SUCLG2: variants seen among roughly 807,000 people sequenced by gnomAD.
SUCLG2 encodes succinate-CoA ligase GDP-forming subunit beta, also known as succinate--CoA ligase [GDP-forming] subunit beta, mitochondrial.
In SUCLG2, 42 loss-of-function variants were observed where a neutral mutation model predicts 47.9. The observed-to-expected ratio is 0.88, with a 90% CI of 0.69 to 1.14. SUCLG2 has a LOEUF of 1.14. SUCLG2 is among the 50% of genes most tolerant of loss of function. The pLI is 0.00. For synonymous variants in SUCLG2, 195 were observed against 197.3 expected (o/e 0.99, Z 0.10); for missense variants, 571 against 525.9 (o/e 1.09, Z -0.84).
intron 9 of SUCLG2, among the ~76,000 whole-genome samples, chr3:67,434,767 T>A (rs1703575093): frequency 6.6e-6 from 1 of 152,232 alleles, no homozygotes; most frequent in African/African-American, 2.4e-5. Flanking sequence ...TATATGTGAC[T>A]ATGTATACCA....
At chr3:67,643,412 T>C (rs1016834615) in intron 1 of SUCLG2, among the ~76,000 whole-genome samples, 3 of 152,328 alleles carry the variant, frequency 2.0e-5, no homozygotes, top group Non-Finnish European at 4.4e-5. Context: ...GATGTTTCTG[T>C]AACCTGAAGT....
At chr3:67,457,760 C>G (rs1704224077) in intron 9 of SUCLG2, among the ~76,000 whole-genome samples, 1 of 129,632 alleles carries the variant, frequency 7.7e-6, no homozygotes, top group African/African-American at 3.0e-5. Context: ...TACTATACTG[C>G]AAGAGAGCAA....
chr3:67,524,752 T>C (rs1403520926), intron 4 of SUCLG2, among the ~76,000 whole-genome samples: 1 of 152,164 alleles, frequency 6.6e-6, no homozygotes, highest in African/African-American at 2.4e-5. Flanking sequence ...TTAAGGTGAC[T>C]CTGAAAGTTA....
At chr3:67,568,534 C>A (rs1707526268) in intron 2 of SUCLG2, among the ~76,000 whole-genome samples, 1 of 152,094 alleles carries the variant, frequency 6.6e-6, no homozygotes, top group Non-Finnish European at 1.5e-5. Context: ...TTTCTGAACA[C>A]AAACTTCAAA....
chr3:67,403,941 A>G (rs1363757807), intron 9 of SUCLG2, among the ~76,000 whole-genome samples: 1 of 152,188 alleles, frequency 6.6e-6, no homozygotes, highest in East Asian at 1.9e-4. Context: ...GCTGGAGTGC[A>G]GTGGCACAAT....
At chr3:67,593,724 G>C (rs533211475) in intron 2 of SUCLG2, among the ~76,000 whole-genome samples, 32 of 152,324 alleles carry the variant, frequency 2.1e-4, no homozygotes, top group African/African-American at 7.5e-4. Context: ...AGCACTGAAA[G>C]TCCCATGTTC....
chr3:67,536,767 A>G (rs1472817772), intron 2 of SUCLG2, among the ~76,000 whole-genome samples: 1 of 152,192 alleles, frequency 6.6e-6, no homozygotes, highest in Admixed American at 6.5e-5. Flanking sequence ...ACAGCTGAAA[A>G]ATGCACAACA....
At chr3:67,636,411 G>T (rs1701011138) in intron 1 of SUCLG2, among the ~76,000 whole-genome samples, 1 of 149,498 alleles carries the variant, frequency 6.7e-6, no homozygotes, top group Non-Finnish European at 1.5e-5. Flanking sequence ...GGAGTGCAGT[G>T]GCAGGATCTC....
chr3:67,462,210 C>T (rs1704354131), intron 9 of SUCLG2, among the ~76,000 whole-genome samples: 2 of 152,096 alleles, frequency 1.3e-5, no homozygotes, highest in Admixed American at 1.3e-4. Flanking sequence ...CTTTCACCTG[C>T]TCCTTTTTCT....
rs115560420 is a variant in SUCLG2 at position 67,375,539 on chromosome 3, G to T, written c.*205C>A. 140,880 of 1,351,190 alleles carry T rather than the reference G, an allele frequency of 0.1. 7,995 individuals carry two copies. Among genetic ancestry groups the T allele is most frequent in the Middle Eastern group, 0.18 (655 of 3,548 alleles). 83.7% of individuals were successfully genotyped at this position (1,351,190 alleles called of 1,614,324 possible). On this transcript the variant is annotated 3_prime_UTR_variant, in exon 11 of 11. Transcript: ENST00000307227. The stretch of plus-strand genomic sequence containing the variant: ...GTGACAGAAAAGTATGAGAACACAA[G>T]ATATTATTTTTATAAAGACCAAAAT...
rs988886354 is a variant in SUCLG2, at chr3:67,610,251, A to T, written c.85-655T>A. Among the ~76,000 whole-genome samples, 27 of 152,340 alleles carry T rather than the reference A, an allele frequency of 1.8e-4. 1 individual carries two copies. The East Asian group carries it at 3.5e-3, about 20-fold the overall frequency. On this transcript the variant is annotated intron_variant, in intron 1 of 10. Coordinates refer to ENST00000307227, the MANE Select transcript of SUCLG2 (RefSeq NM_003848.4). ...TGTGTTTAACGAGATTATCTCTTTCATCCACCAAGGTTGAGTGCAATAACC... is the reference window on the plus strand; with the variant it reads ...TGTGTTTAACGAGATTATCTCTTTCTTCCACCAAGGTTGAGTGCAATAACC...
In SUCLG2 at chr3:67,592,727, A is replaced by AC. The variant is rs1368648041; in HGVS notation, c.226+16727_226+16728insG. The stretch of plus-strand genomic sequence containing the variant: ...TAACTCTCACATCCTCCAAAAAAAA[A>AC]AAAAAAAAACAACAAAAAAAAACTG... On this transcript the variant is annotated intron_variant, in intron 2 of 10. Coordinates refer to ENST00000307227, the MANE Select transcript of SUCLG2 (RefSeq NM_003848.4). 3.2e-5 allele frequency among the ~76,000 whole-genome samples: 4 copies of AC among 123,746 alleles called. 1 individual carries two copies. The highest frequency in any genetic ancestry group is 1.3e-4 in the African/African-American group (4 of 31,928). 81.2% of individuals were successfully genotyped at this position (123,746 alleles called of 152,430 possible).
intron 10 of SUCLG2, among the ~76,000 whole-genome samples, chr3:67,393,094 G>A (rs955942200): frequency 4.7e-4 from 71 of 152,324 alleles, no homozygotes; most frequent in Admixed American, 4.3e-3. Flanking sequence ...CGTGAGCGAC[G>A]CAGAAGACGG....
At chr3:67,519,096 T>C (rs1272302337) in intron 5 of SUCLG2, among the ~76,000 whole-genome samples, 1 of 152,096 alleles carries the variant, frequency 6.6e-6, no homozygotes, top group Non-Finnish European at 1.5e-5. Flanking sequence ...CCAAGGCCAC[T>C]GTCTCTGTGT....
chr3:67,650,468 G>C (rs1466679334), intron 1 of SUCLG2, among the ~76,000 whole-genome samples: 1 of 152,122 alleles, frequency 6.6e-6, no homozygotes, highest in African/African-American at 2.4e-5. Flanking sequence ...TCTAAAATAG[G>C]AGGCCTGGCC....
chr3:67,562,347 G>A (rs557984217), intron 2 of SUCLG2, among the ~76,000 whole-genome samples: 4 of 151,660 alleles, frequency 2.6e-5, no homozygotes, highest in Non-Finnish European at 4.4e-5. Context: ...GTGCCATCTC[G>A]GCTCATTGCA....
At chr3:67,461,478 A>G (rs144335356) in intron 9 of SUCLG2, among the ~76,000 whole-genome samples, 1 of 152,092 alleles carries the variant, frequency 6.6e-6, no homozygotes, top group African/African-American at 2.4e-5. Flanking sequence ...TGCATTTAAT[A>G]TTTTCGGAAT....
At chr3:67,592,178 A>G (rs1400415135) in intron 2 of SUCLG2, among the ~76,000 whole-genome samples, 8 of 152,240 alleles carry the variant, frequency 5.3e-5, no homozygotes, top group Non-Finnish European at 1.0e-4. Context: ...AAAAGTATTT[A>G]GAACCCAGAA....
At chr3:67,490,028 T>C (rs577657679) in intron 9 of SUCLG2, among the ~76,000 whole-genome samples, 2 of 152,346 alleles carry the variant, frequency 1.3e-5, no homozygotes, top group African/African-American at 4.8e-5. Flanking sequence ...TTCTTTGCTT[T>C]ACTTTCGTGT....
Sources: gnomAD v4.1 joint callset for allele counts (sites outside exome capture counted in the v4.1 genomes callset) on GRCh38, gnomAD v4.1.1 for gene constraint, MANE v1.5 for transcripts, NCBI Gene and HGNC (gene_info 2026-07-23, HGNC 2026-07-21) for gene names.